The following NAPSA variants were observed in gnomAD, a reference collection of about 807,000 sequenced individuals.
NAPSA encodes napsin-A.
Under a neutral mutation model 36.7 loss-of-function variants are expected in NAPSA, and 37 were observed. The observed-to-expected ratio is 1.01, with a 90% confidence interval of 0.78 to 1.33. The LOEUF is 1.33. NAPSA is among the 40% of genes most tolerant of loss of function. NAPSA has a pLI of 0.00. For synonymous variants in NAPSA, 222 were observed against 234.5 expected (o/e 0.95, Z 0.49); for missense variants, 532 against 543.8 (o/e 0.98, Z 0.21).
rs749501229 is a variant in NAPSA, at chr19:50,359,490, ACTGGGACCTCAC to A, written c.936+1_936+12del. 5 of 1,613,768 alleles carry A rather than the reference ACTGGGACCTCAC, an allele frequency of 3.1e-6. No homozygotes were observed. The highest frequency in any genetic ancestry group is 4.2e-6 in the Non-Finnish European group (5 of 1,179,998). On this transcript the variant is annotated splice_donor_variant and splice_donor_5th_base_variant and intron_variant, in intron 7 of 8. Coordinates refer to ENST00000253719, the MANE Select transcript of NAPSA (RefSeq NM_004851.3). LOFTEE classifies it high-confidence loss of function. Reference sequence around the variant, plus strand: ...AGCCTTCCCAGCCCGTACCCACCAGACTGGGACCTCACCTCCCCAGCCAGCAAGGGGATTCCC... The same window carrying A: ...AGCCTTCCCAGCCCGTACCCACCAGACTCCCCAGCCAGCAAGGGGATTCCC...
chr19:50,368,165 A>G (rs1432599070), upstream of NAPSA, among the ~76,000 whole-genome samples: 1 of 150,488 alleles, frequency 6.6e-6, no homozygotes, highest in Non-Finnish European at 1.5e-5. Context: ...CTCAAAAAAA[A>G]AAAAAAAAAA....
rs745574640 is a variant in NAPSA at position 50,361,074 on chromosome 19, C to T, written c.535G>A (p.Ala179Thr). 27 of 1,613,988 alleles carry T rather than the reference C, an allele frequency of 1.7e-5. 1 individual carries two copies. Among genetic ancestry groups the T allele is most frequent in the East Asian group, 6.7e-5 (3 of 44,886 alleles). The change falls in exon 5 of 9, where the codon GCT (alanine) becomes ACT (threonine). Residue 179 changes from alanine (A) to threonine (T), a missense_variant. Physicochemically the swap from Ala to Thr is moderately conservative, Grantham distance 58 (BLOSUM62 0). Transcript: ENST00000253719. Reference protein sequence around the residue: ...EALWEPSLVFAFAHFDGILGL... With the variant: ...EALWEPSLVFTFAHFDGILGL... ...AATATCCCATCAAAATGGGCAAAAG[C>T]GAAGACCAGGCTGGGCTCCCAGAGA...
rs2037424490 is a variant in NAPSA at position 50,358,599 on chromosome 19, G to T, written c.1217C>A (p.Ala406Glu). Residue 406 changes from alanine (A) to glutamate (E), a missense_variant, in exon 9 of 9, where the codon GCG becomes GAG. Transcript: ENST00000253719. Reference sequence around the variant, plus strand: ...CGCAGTCTCTCCCCATCCGAGGTCCGCTCCGCGAGTGCGAGCGCGCGCCAG... The same window carrying T: ...CGCAGTCTCTCCCCATCCGAGGTCCTCTCCGCGAGTGCGAGCGCGCGCCAG... ...VGLARARTRGADLGWGETAQA... is the reference protein window; with the variant it reads ...VGLARARTRGEDLGWGETAQA... 1.9e-6 allele frequency: 3 copies of T among 1,611,394 alleles called. No individual in the cohort carries two copies. Among genetic ancestry groups the T allele is most frequent in the African/African-American group, 1.3e-5 (1 of 74,892 alleles).
Position 50,361,110 on chromosome 19 carries a change from A to C in NAPSA, c.499T>G (p.Phe167Val). The change falls in exon 5 of 9, where the codon TTC becomes GTC. Residue 167 changes from phenylalanine (F) to valine (V), a missense_variant. Around this residue, in one of 3 missense-constraint regions of NAPSA, gnomAD observed 385 missense variants for 371.5 expected, o/e 1.04. Transcript: ENST00000253719. ...IGGIKGASVI[F>V]GEALWEPSLV... Reference sequence around the variant, plus strand: ...CTGGGCTCCCAGAGAGCCTCCCCGAAAATCACTGATGCACCCTTGATTCCA... The same window carrying C: ...CTGGGCTCCCAGAGAGCCTCCCCGACAATCACTGATGCACCCTTGATTCCA... 2 of 1,613,982 alleles carry C rather than the reference A, an allele frequency of 1.2e-6. No individual in the cohort carries two copies. The highest frequency in any genetic ancestry group is 1.7e-6 in the Non-Finnish European group (2 of 1,179,998).
At position 50,361,055 on chromosome 19, in the gene NAPSA, C is replaced by T; in HGVS notation, c.554G>A (p.Gly185Glu). 1 of 1,614,118 alleles carries T rather than the reference C, an allele frequency of 6.2e-7. No homozygotes were observed. Among genetic ancestry groups the T allele is most frequent in the South Asian group, 1.1e-5 (1 of 91,080 alleles). Residue 185 changes from glycine to glutamate, a missense_variant, in exon 5 of 9, where the codon GGG (glycine) becomes GAG (glutamate). Physicochemically the swap from Gly to Glu is moderately conservative, Grantham distance 98. This residue lies in a region of NAPSA where 385 missense variants were observed against 371.5 expected (regional missense o/e 1.04). Coordinates refer to ENST00000253719, the MANE Select transcript of NAPSA (RefSeq NM_004851.3). Reference sequence around the variant, plus strand: ...AATGGGAAAACCGAGGCCCAATATCCCATCAAAATGGGCAAAAGCGAAGAC... The same window carrying T: ...AATGGGAAAACCGAGGCCCAATATCTCATCAAAATGGGCAAAAGCGAAGAC... Reference protein sequence around the residue: ...SLVFAFAHFDGILGLGFPILS... With the variant: ...SLVFAFAHFDEILGLGFPILS...
At chr19:50,363,747 A>G (rs1189334468) in intron 1 of NAPSA, among the ~76,000 whole-genome samples, 2 of 151,834 alleles carry the variant, frequency 1.3e-5, no homozygotes, top group Non-Finnish European at 2.9e-5. Context: ...TATTTTTTGT[A>G]GAGGTGGAGT....
chr19:50,358,514 C>T lies in NAPSA; in HGVS notation c.*39G>A. 6.7e-7 allele frequency: 1 copy of T among 1,502,198 alleles called. No individual in the cohort carries two copies. The allele number at this position is 1,502,198 out of a possible 1,614,324, so 93.1% of individuals were successfully genotyped here. ...GTGGATTTTTACTGGGTAGCAGGAC[C>T]TCCGCGACCACCCGCTGCGCATGCG... On this transcript the variant is annotated 3_prime_UTR_variant, in exon 9 of 9. Transcript: ENST00000253719.
chr19:50,366,834 A>ATT (rs35429532), upstream of NAPSA, among the ~76,000 whole-genome samples: 4 of 138,220 alleles, frequency 2.9e-5, no homozygotes, highest in African/African-American at 8.1e-5. Flanking sequence ...CCCTGGCTAA[A>ATT]TTTTTTTTTT....
intron 4 of NAPSA, 187 bp downstream of exon 4, chr19:50,361,476 C>T (rs2037472369): frequency 3.2e-6 from 2 of 620,704 alleles, no homozygotes; most frequent in Non-Finnish European, 5.7e-6. Context: ...CCTCTTCACC[C>T]AGGAAGCCCC....
upstream of NAPSA, among the ~76,000 whole-genome samples, chr19:50,366,409 T>C (rs1178551369): frequency 6.6e-6 from 1 of 151,638 alleles, no homozygotes; most frequent in Non-Finnish European, 1.5e-5. Flanking sequence ...TGATTCTCAA[T>C]TATTTCAATC....
upstream of NAPSA, among the ~76,000 whole-genome samples, chr19:50,366,834 A>AT (rs35429532): frequency 0.021 from 2,927 of 138,214 alleles, 104 homozygotes; most frequent in African/African-American, 0.072. Context: ...CCCTGGCTAA[A>AT]TTTTTTTTTT....
chr19:50,364,828 C>T (rs1243154294), intron 1 of NAPSA, among the ~76,000 whole-genome samples: 2 of 148,248 alleles, frequency 1.3e-5, no homozygotes, highest in Non-Finnish European at 3.0e-5. Flanking sequence ...CCCATCTCTA[C>T]TAAAAATACA....
intron 1 of NAPSA, among the ~76,000 whole-genome samples, chr19:50,365,011 A>AATAAT (rs1555784614): frequency 7.8e-5 from 11 of 140,632 alleles, no homozygotes; most frequent in African/African-American, 2.7e-4. Flanking sequence ...TAATAATAAT[A>AATAAT]AATAATAATA....
At chr19:50,360,419 T>A (rs1414078457) in intron 5 of NAPSA, among the ~76,000 whole-genome samples, 1 of 152,084 alleles carries the variant, frequency 6.6e-6, no homozygotes, top group Non-Finnish European at 1.5e-5. Flanking sequence ...TCTGACTGTG[T>A]GTGACAGGCC....
chr19:50,361,224 T>TCCTA (rs2037468453), intron 4 of NAPSA, 84 bp from the exon 5 acceptor site: 1 of 1,227,450 alleles, frequency 8.1e-7, no homozygotes, highest in Admixed American at 1.8e-5. Context: ...AAGGCATGAA[T>TCCTA]CCTAGGTCTG....
intron 1 of NAPSA, among the ~76,000 whole-genome samples, chr19:50,363,751 G>C (rs2037506176): frequency 6.6e-6 from 1 of 151,828 alleles, no homozygotes. Flanking sequence ...TTTTGTAGAG[G>C]TGGAGTCTGG....
chr19:50,362,370 G>T lies in NAPSA; in HGVS notation c.84-57C>A. 2.7e-6 allele frequency: 4 copies of T among 1,496,942 alleles called. No homozygotes were observed. The South Asian group carries it at 3.8e-5, about 14-fold the overall frequency. The allele number at this position is 1,496,942 out of a possible 1,614,324, so 92.7% of individuals were successfully genotyped here. A position where few individuals can be genotyped will look rare whatever the true frequency, so the allele number is the denominator to read the frequency against. ...GCCCTTCTTGGAGAACCTCTAAATA[G>T]ACTTACCCAAATAGGATATGATGAC... is the stretch of plus-strand genomic sequence containing the variant. On this transcript the variant is annotated intron_variant, in intron 1 of 8. Transcript: ENST00000253719.
chr19:50,361,184 A>G (rs1437072359), intron 4 of NAPSA, 44 bp from the exon 5 acceptor site: 2 of 1,533,342 alleles, frequency 1.3e-6, no homozygotes, highest in Admixed American at 1.7e-5. Context: ...TGGGAGGACA[A>G]TAACCACATG....
rs769141756 is a variant in NAPSA, at chr19:50,365,626, G to A, written c.-5C>T. 1 of 1,604,244 alleles carries A rather than the reference G, an allele frequency of 6.2e-7. No individual in the cohort carries two copies. Among genetic ancestry groups the A allele is most frequent in the South Asian group, 1.1e-5 (1 of 90,132 alleles). ...CAGCAGCGGTGGTGGAGACATCGCT[G>A]GGGACCTGGGTGTGAACCCAGGTGT... On this transcript the variant is annotated 5_prime_UTR_variant, in exon 1 of 9. Transcript: ENST00000253719.
Sources: allele counts gnomAD v4.1 joint callset (sites outside exome capture counted in the v4.1 genomes callset), GRCh38; gene constraint gnomAD v4.1.1; regional missense constraint gnomAD v4.1.1; transcripts MANE v1.5; gene names NCBI Gene and HGNC (gene_info 2026-07-23, HGNC 2026-07-21).